The following MS4A4E variants were observed in gnomAD, a reference collection of about 807,000 sequenced individuals.
MS4A4E encodes putative membrane-spanning 4-domains subfamily A member 4E.
In MS4A4E, 23 loss-of-function variants were observed where a neutral mutation model predicts 13.3. That is an observed-to-expected ratio of 1.73 (90% confidence interval 1.25 to 2.45). MS4A4E has a LOEUF of 2.45. MS4A4E is among the 30% of genes most tolerant of loss of function. MS4A4E has a pLI of 0.00. For missense variants in MS4A4E, 144 were observed against 131.2 expected, an observed-to-expected ratio of 1.10 and a Z score of -0.48; for synonymous variants, 36 against 45.6, an observed-to-expected ratio of 0.79 and a Z score of 0.85.
chr11:60,219,935 C>T (rs763374533), intron 3 of MS4A4E, among the ~76,000 whole-genome samples: 3 of 151,046 alleles, frequency 2.0e-5, no homozygotes, highest in Non-Finnish European at 2.9e-5. Context: ...CCACACTCAT[C>T]CTGCATTCAT....
intron 3 of MS4A4E, among the ~76,000 whole-genome samples, chr11:60,223,096 G>A (rs1484664085): frequency 6.6e-6 from 1 of 152,082 alleles, no homozygotes; most frequent in African/African-American, 2.4e-5. Context: ...AAGGCAAAGG[G>A]AATACAGAAT....
chr11:60,236,421 C>G (rs961919407), intron 1 of MS4A4E, among the ~76,000 whole-genome samples: 7 of 151,982 alleles, frequency 4.6e-5, no homozygotes, highest in Non-Finnish European at 8.8e-5. Context: ...ATTAAGCCTT[C>G]CAGTTCCTGA....
intron 8 of MS4A4E, among the ~76,000 whole-genome samples, chr11:60,202,181 G>A (rs1026549012): frequency 3.9e-5 from 6 of 152,176 alleles, no homozygotes; most frequent in African/African-American, 9.6e-5. Context: ...TTGCCTCTAC[G>A]TCTTATTAAT....
intron 1 of MS4A4E, among the ~76,000 whole-genome samples, chr11:60,234,788 C>CA (rs1291067945): frequency 2.9e-3 from 404 of 140,980 alleles, no homozygotes; most frequent in Middle Eastern, 0.015. Flanking sequence ...CCCCCCCCCC[C>CA]AAAATAACAA....
chr11:60,214,836 A>G (rs1243069518), intron 3 of MS4A4E, among the ~76,000 whole-genome samples: 2 of 152,196 alleles, frequency 1.3e-5, no homozygotes, highest in African/African-American at 4.8e-5. Flanking sequence ...CAAGCCTTTC[A>G]AATAATAGCT....
chr11:60,233,738 C>T (rs2084443223), intron 1 of MS4A4E, among the ~76,000 whole-genome samples: 1 of 152,196 alleles, frequency 6.6e-6, no homozygotes, highest in Non-Finnish European at 1.5e-5. Flanking sequence ...CTAAGAGCCT[C>T]TATTAGGGCA....
intron 8 of MS4A4E, among the ~76,000 whole-genome samples, 150 bp downstream of exon 8, chr11:60,204,740 C>T (rs1055084945): frequency 3.3e-5 from 5 of 152,148 alleles, no homozygotes; most frequent in African/African-American, 7.2e-5. Context: ...CAGACACACA[C>T]GTATGCCAGT....
chr11:60,224,216 G>T (rs1387914384), intron 3 of MS4A4E, among the ~76,000 whole-genome samples: 1 of 151,752 alleles, frequency 6.6e-6, no homozygotes, highest in African/African-American at 2.4e-5. Flanking sequence ...CTTGGGAAAA[G>T]GTTTTTAAAC....
chr11:60,240,997 T>A (rs2084541494), intron 1 of MS4A4E, among the ~76,000 whole-genome samples: 1 of 151,140 alleles, frequency 6.6e-6, no homozygotes, highest in Non-Finnish European at 1.5e-5. Context: ...AATGTGTACT[T>A]TTTATTTATT....
chr11:60,242,850 G>T (rs569495233), intron 1 of MS4A4E, 108 bp downstream of exon 1: 2 of 730,596 alleles, frequency 2.7e-6, no homozygotes, highest in Non-Finnish European at 2.2e-6. Context: ...TTGGGTCATG[G>T]GAAGTGACCT....
In MS4A4E at chr11:60,215,041, T is replaced by A. The variant is rs532336748; in HGVS notation, c.179-427A>T. On this transcript the variant is annotated intron_variant, in intron 3 of 8. Coordinates refer to ENST00000651255, the MANE Select transcript of MS4A4E (RefSeq NM_001393391.1). Reference sequence around the variant, plus strand: ...ACATAAAATTTAGTTCCCAGTTATTTGATAACTAGAATATACTACTTCATC... The same window carrying A: ...ACATAAAATTTAGTTCCCAGTTATTAGATAACTAGAATATACTACTTCATC... 5.7e-4 allele frequency among the ~76,000 whole-genome samples: 87 copies of A among 152,282 alleles called. 1 individual carries two copies. Among genetic ancestry groups the A allele is most frequent in the African/African-American group, 2.0e-3 (85 of 41,590 alleles).
intron 3 of MS4A4E, among the ~76,000 whole-genome samples, chr11:60,228,095 T>C (rs12806762): frequency 3.3e-5 from 5 of 152,162 alleles, no homozygotes; most frequent in African/African-American, 1.2e-4. Context: ...GAATTAATCA[T>C]CTTAATTTTA....
intron 1 of MS4A4E, among the ~76,000 whole-genome samples, chr11:60,240,083 A>G (rs1363039212): frequency 6.6e-6 from 1 of 152,244 alleles, no homozygotes; most frequent in Non-Finnish European, 1.5e-5. Context: ...AAGGTGGCAC[A>G]AGGAATATTA....
At chr11:60,228,810 T>C (rs1054008832) in intron 2 of MS4A4E, among the ~76,000 whole-genome samples, 183 bp from the exon 3 acceptor site, 8 of 152,210 alleles carry the variant, frequency 5.3e-5, no homozygotes, top group Non-Finnish European at 1.2e-4. Context: ...TTTAAATGCA[T>C]GTTATTAGGT....
chr11:60,236,836 A>G (rs2084489964), intron 1 of MS4A4E, among the ~76,000 whole-genome samples: 1 of 151,900 alleles, frequency 6.6e-6, no homozygotes, highest in African/African-American at 2.4e-5. Context: ...TCCAGGGTTC[A>G]AGCAATTCTC....
chr11:60,230,258 G>A (rs1244167514), intron 1 of MS4A4E, among the ~76,000 whole-genome samples, 187 bp from the exon 2 acceptor site: 1 of 152,184 alleles, frequency 6.6e-6, no homozygotes, highest in East Asian at 1.9e-4. Context: ...GAGAGAGAGA[G>A]AGACTTAAAT....
In MS4A4E at chr11:60,205,719, TA is replaced by T. The variant is rs1238740005; in HGVS notation, c.584del (p.Val195AspfsTer22). On this transcript the variant is annotated frameshift_variant, in exon 7 of 9. Transcript: ENST00000651255. LOFTEE classifies it high-confidence loss of function. ...KRLNVDVDST[V>X]WCSGDGQYLE... is the part of the protein sequence containing the mutation. ...AGAAAGTCCACATTATTTACCACCA[TA>T]CAGTACTGTCGACATCAACATTTAG... Among the ~76,000 whole-genome samples the T allele has an allele frequency of 1.3e-5, 2 of 152,246 alleles. No individual in the cohort carries two copies. Among genetic ancestry groups the T allele is most frequent in the Non-Finnish European group, 2.9e-5 (2 of 68,032 alleles).
chr11:60,208,445 G>A (rs1421101049), intron 6 of MS4A4E, 148 bp downstream of exon 6: 3 of 284,954 alleles, frequency 1.1e-5, no homozygotes, highest in Non-Finnish European at 2.0e-5. Context: ...CCTGAACCAA[G>A]GACCCACATC....
rs182083621 is a variant in MS4A4E, at chr11:60,201,704, C to T, written c.835G>A (p.Val279Ile). The T allele has an allele frequency of 2.7e-3, 604 of 221,822 alleles. 3 individuals carry two copies. The highest frequency in any genetic ancestry group is 0.014 in the African/African-American group (531 of 38,336). 13.7% of individuals were successfully genotyped at this position (221,822 alleles called of 1,614,324 possible). A position where few individuals can be genotyped will look rare whatever the true frequency, so the allele number is the denominator to read the frequency against. ...VRSVSAWPPI[V>I]WDVRSPSAWL... ...GCAGAGGGGCTCCTCACGTCCCAGA[C>T]GATAGGCGGCCAGGCAGAGACGCTC... The change falls in exon 9 of 9, where the codon GTC becomes ATC. Residue 279 changes from valine (V) to isoleucine (I), a missense_variant. Coordinates refer to ENST00000651255, the MANE Select transcript of MS4A4E (RefSeq NM_001393391.1).
Sources: gnomAD v4.1 joint callset for allele counts (sites outside exome capture counted in the v4.1 genomes callset) on GRCh38, gnomAD v4.1.1 for gene constraint, MANE v1.5 for transcripts, NCBI Gene and HGNC (gene_info 2026-07-23, HGNC 2026-07-21) for gene names.